FOXP2: variants seen among roughly 807,000 people sequenced by gnomAD.
FOXP2 encodes forkhead box protein P2.
A neutral mutation model predicts 115.8 loss-of-function variants in FOXP2; 12 were observed. The ratio of observed to expected loss-of-function variants is 0.10; its 90% confidence interval spans 0.07 to 0.17. FOXP2 has a LOEUF of 0.17. FOXP2 is among the 10% of genes least tolerant of loss of function. The pLI, the probability that FOXP2 is intolerant of heterozygous loss-of-function variation, is 1.00. For missense variants in FOXP2, 629 were observed against 843.5 expected, an observed-to-expected ratio of 0.75 and a Z score of 3.15; for synonymous variants, 328 against 297.7, an observed-to-expected ratio of 1.10 and a Z score of -1.05.
intron 3 of FOXP2, among the ~76,000 whole-genome samples, chr7:114,537,677 A>G (rs1022476360): frequency 6.6e-6 from 1 of 151,674 alleles, no homozygotes; most frequent in African/African-American, 2.4e-5. Flanking sequence ...GTCTAATGCA[A>G]AATGGAAAGA....
intron 2 of FOXP2, among the ~76,000 whole-genome samples, chr7:114,347,481 C>T (rs1791375163): frequency 6.6e-6 from 1 of 151,912 alleles, no homozygotes; most frequent in African/African-American, 2.4e-5. Flanking sequence ...TTAATGCTTT[C>T]ACCCCAGCCA....
chr7:114,644,664 C>T (rs575204161), intron 7 of FOXP2, 21 bp from the exon 8 acceptor site: 37 of 1,591,894 alleles, frequency 2.3e-5, no homozygotes, highest in South Asian at 2.3e-4. Context: ...ATGAATCTGA[C>T]GTCGTGTTCT....
intron 2 of FOXP2, among the ~76,000 whole-genome samples, chr7:114,311,168 C>T (rs1006501175): frequency 2.6e-5 from 4 of 152,126 alleles, no homozygotes; most frequent in African/African-American, 9.7e-5. Flanking sequence ...CTGACCATCA[C>T]TTGATGGTCA....
At chr7:114,451,263 A>T (rs1234057649) in intron 2 of FOXP2, among the ~76,000 whole-genome samples, 4 of 152,036 alleles carry the variant, frequency 2.6e-5, no homozygotes, top group African/African-American at 7.2e-5. Context: ...TTTTCATGAA[A>T]TTCTAGATCT....
chr7:114,366,657 T>C (rs1791889588), intron 2 of FOXP2: 1 of 152,202 alleles, frequency 6.6e-6, no homozygotes, highest in Non-Finnish European at 1.5e-5. Flanking sequence ...GGAATATGTT[T>C]TATGAAATTT....
At chr7:114,141,482 T>C (rs552030151) in intron 1 of FOXP2, among the ~76,000 whole-genome samples, 1 of 152,166 alleles carries the variant, frequency 6.6e-6, no homozygotes, top group East Asian at 1.9e-4. Context: ...AAAGTATTTG[T>C]GAAAAATTAG....
chr7:114,182,291 G>A (rs1022309133), intron 1 of FOXP2, among the ~76,000 whole-genome samples: 2 of 151,560 alleles, frequency 1.3e-5, no homozygotes, highest in South Asian at 2.1e-4. Context: ...TAATATACAC[G>A]AAAAATGGAA....
At position 114,240,698 on chromosome 7, in the gene FOXP2, C is replaced by CA. The variant is rs200290044; in HGVS notation, c.-101-47312dup. Among the ~76,000 whole-genome samples, 230 of 148,920 alleles carry CA rather than the reference C, an allele frequency of 1.5e-3. 2 individuals carry two copies. Among genetic ancestry groups the CA allele is most frequent in the Non-Finnish European group, 1.8e-3 (122 of 66,974 alleles). On this transcript the variant is annotated intron_variant, in intron 1 of 17. Coordinates refer to the FOXP2 transcript ENST00000634411. ...CTATACAGATTCTTGAAAATATTTT[C>CA]AAAAAAAAACCCTATTTCAAAGTTT...
At chr7:114,650,999 C>T (rs902546522) in intron 8 of FOXP2, among the ~76,000 whole-genome samples, 5 of 151,914 alleles carry the variant, frequency 3.3e-5, no homozygotes, top group Non-Finnish European at 5.9e-5. Flanking sequence ...ATCAGCAACA[C>T]GACTTTAATT....
At chr7:114,149,405 TA>T (rs1792469910) in intron 1 of FOXP2, among the ~76,000 whole-genome samples, 1 of 152,030 alleles carries the variant, frequency 6.6e-6, no homozygotes, top group Non-Finnish European at 1.5e-5. Context: ...TATAAACTAA[TA>T]AAAAAGCTGT....
rs1796517350 is a variant in FOXP2, at chr7:114,288,544, GAAT to G, written c.-11+440_-11+442del. On this transcript the variant is annotated intron_variant, in intron 2 of 17. Transcript: ENST00000634411. ...ATCTGAAATATTGAGGAAATAATGAGAATAATATACCAGTAATGAATTTTTTTC... is the reference window on the plus strand; with the variant it reads ...ATCTGAAATATTGAGGAAATAATGAGAATATACCAGTAATGAATTTTTTTC... Among the ~76,000 whole-genome samples, 3 of 151,704 alleles carry G rather than the reference GAAT, an allele frequency of 2.0e-5. No homozygotes were observed. In the South Asian group the frequency reaches 6.2e-4, roughly 31 times the overall value.
intron 3 of FOXP2, among the ~76,000 whole-genome samples, chr7:114,594,124 T>C (rs1402240391): frequency 4.6e-5 from 7 of 152,082 alleles, no homozygotes; most frequent in Non-Finnish European, 1.0e-4. Context: ...AAATGTGGCC[T>C]GTTTTAACCA....
chr7:114,418,993 G>T (rs1010102461), intron 1 of FOXP2, among the ~76,000 whole-genome samples: 3 of 151,850 alleles, frequency 2.0e-5, no homozygotes, highest in Admixed American at 6.6e-5. Context: ...GCATTAAATT[G>T]TAATGCTAAA....
chr7:114,618,733 G>A (rs1237044380), intron 3 of FOXP2, among the ~76,000 whole-genome samples: 4 of 152,084 alleles, frequency 2.6e-5, no homozygotes, highest in Non-Finnish European at 5.9e-5. Flanking sequence ...GTCTATGTAG[G>A]TGAAGATCCT....
chr7:114,323,505 GAA>G (rs1354379803), intron 2 of FOXP2, among the ~76,000 whole-genome samples: 5 of 151,930 alleles, frequency 3.3e-5, no homozygotes, highest in Non-Finnish European at 7.4e-5. Context: ...GTGAGTTGCT[GAA>G]AAGACTTCTC....
intron 2 of FOXP2, among the ~76,000 whole-genome samples, chr7:114,307,417 G>A (rs1415019777): frequency 6.6e-6 from 1 of 151,982 alleles, no homozygotes; most frequent in African/African-American, 2.4e-5. Flanking sequence ...ATGCACAATG[G>A]ACTTTAAACA....
chr7:114,411,976 G>T (rs1793174375), upstream of FOXP2, among the ~76,000 whole-genome samples: 1 of 152,132 alleles, frequency 6.6e-6, no homozygotes, highest in African/African-American at 2.4e-5. Flanking sequence ...TGTTTGCTAT[G>T]TTATGCCTTG....
chr7:114,145,543 C>A (rs900472106), intron 1 of FOXP2, among the ~76,000 whole-genome samples: 1 of 142,526 alleles, frequency 7.0e-6, no homozygotes, highest in African/African-American at 2.7e-5. Flanking sequence ...AGCTGGAGTG[C>A]AGGGTGTGAT....
At chr7:114,686,889 C>T (rs1009847394) in intron 16 of FOXP2, among the ~76,000 whole-genome samples, 66 of 152,098 alleles carry the variant, frequency 4.3e-4, no homozygotes, top group African/African-American at 1.4e-3. Context: ...TCAATGAGCA[C>T]GTTCAAAGGG....
Sources: allele counts gnomAD v4.1 joint callset (sites outside exome capture counted in the v4.1 genomes callset), GRCh38; gene constraint gnomAD v4.1.1; transcripts MANE v1.5; gene names NCBI Gene and HGNC (gene_info 2026-07-23, HGNC 2026-07-21).